Variants in DIS3L2 observed in about 807,000 individuals in gnomAD.
DIS3L2 encodes the protein DIS3 like 3'-5' exoribonuclease 2.
DIS3L2 carries 34 observed loss-of-function variants against 97.5 expected under a neutral mutation model. The observed-to-expected ratio is 0.35, with a 90% CI of 0.27 to 0.46. The LOEUF is 0.46. Among genes scored for constraint, DIS3L2 ranks in the 20% least tolerant of loss-of-function variants. The probability of loss-of-function intolerance (pLI) is 1.00; values close to 1 mark genes in which losing one functional copy is unlikely to be tolerated. For synonymous variants in DIS3L2, 435 were observed against 445.2 expected (o/e 0.98, Z 0.29); for missense variants, 1,038 against 1,146.0 (o/e 0.91, Z 1.36).
chr2:232,170,900 A>G (rs1003799605), intron 9 of DIS3L2, among the ~76,000 whole-genome samples: 3 of 152,178 alleles, frequency 2.0e-5, no homozygotes, highest in Admixed American at 2.0e-4. Flanking sequence ...GAGTCATATA[A>G]TACTAACCTC....
intron 3 of DIS3L2, chr2:232,015,977 G>A (rs1212032616): frequency 4.7e-6 from 1 of 214,056 alleles, no homozygotes; most frequent in Non-Finnish European, 9.4e-6. Flanking sequence ...GTTTGAGCCA[G>A]GCCATGGATT....
chr2:232,062,091 G>T (rs1389009688), intron 5 of DIS3L2, among the ~76,000 whole-genome samples: 1 of 152,068 alleles, frequency 6.6e-6, no homozygotes, highest in East Asian at 1.9e-4. Flanking sequence ...TCAGCTACGG[G>T]GCGGGCTGGG....
intron 8 of DIS3L2, among the ~76,000 whole-genome samples, chr2:232,157,893 G>A (rs983836392): frequency 9.9e-5 from 15 of 152,182 alleles, no homozygotes; most frequent in Non-Finnish European, 1.6e-4. Context: ...ACGGGCGCAG[G>A]CCATCCTGCC....
chr2:232,329,763 A>C (rs1575023138), intron 14 of DIS3L2, 50 bp from the exon 15 acceptor site: 6 of 1,431,452 alleles, frequency 4.2e-6, no homozygotes, highest in Non-Finnish European at 5.6e-6. Flanking sequence ...AAGCCTGCGC[A>C]CCTGTCCCCA....
chr2:232,289,752 G>A (rs1222852418), intron 13 of DIS3L2, among the ~76,000 whole-genome samples: 3 of 152,186 alleles, frequency 2.0e-5, no homozygotes, highest in Admixed American at 2.0e-4. Context: ...CTGAGTGGGT[G>A]GAGAGCCTGT....
At chr2:232,239,455 C>T (rs1463984447) in intron 11 of DIS3L2, among the ~76,000 whole-genome samples, 1 of 152,222 alleles carries the variant, frequency 6.6e-6, no homozygotes, top group East Asian at 1.9e-4. Context: ...TGCCAGGTTT[C>T]TTTCTCTTCT....
rs116128621 is a variant in DIS3L2, at chr2:232,297,980, A to G, written c.1660-2060A>G. Among the ~76,000 whole-genome samples, 977 of 152,330 alleles carry G rather than the reference A, an allele frequency of 6.4e-3. 15 individuals carry two copies. The highest frequency in any genetic ancestry group is 0.022 in the African/African-American group (929 of 41,572). On this transcript the variant is annotated intron_variant, in intron 13 of 20. Coordinates refer to ENST00000325385, the MANE Select transcript of DIS3L2 (RefSeq NM_152383.5). ...CCAAAGTGCTAGGATTATAGGCATGAGCCACCACATCTGGCCTCAGTCTTT... is the reference window on the plus strand; with the variant it reads ...CCAAAGTGCTAGGATTATAGGCATGGGCCACCACATCTGGCCTCAGTCTTT...
intron 10 of DIS3L2, among the ~76,000 whole-genome samples, chr2:232,214,184 C>G (rs1007488719): frequency 2.6e-5 from 4 of 152,190 alleles, no homozygotes; most frequent in African/African-American, 7.2e-5. Flanking sequence ...AGATCACTTG[C>G]AGCATACCTC....
intron 5 of DIS3L2, among the ~76,000 whole-genome samples, chr2:232,044,563 G>A (rs750755802): frequency 3.1e-4 from 47 of 152,276 alleles, no homozygotes; most frequent in African/African-American, 1.1e-3. Context: ...AGTTTGAGAT[G>A]CCTAGGGACA....
chr2:232,284,879 CA>C (rs1694385891), intron 13 of DIS3L2, among the ~76,000 whole-genome samples: 1 of 152,172 alleles, frequency 6.6e-6, no homozygotes, highest in African/African-American at 2.4e-5. Context: ...TGGGACCTGG[CA>C]TGGAGCTGCA....
chr2:232,140,661 G>A (rs898731955), intron 8 of DIS3L2, among the ~76,000 whole-genome samples: 1 of 152,198 alleles, frequency 6.6e-6, no homozygotes, highest in Non-Finnish European at 1.5e-5. Context: ...GATGTTAGTA[G>A]CTTTGGAAGG....
intron 9 of DIS3L2, among the ~76,000 whole-genome samples, chr2:232,201,908 A>G (rs1691903854): frequency 6.6e-6 from 1 of 152,218 alleles, no homozygotes; most frequent in African/African-American, 2.4e-5. Context: ...GATGAAGGGT[A>G]TATGGATGTT....
At chr2:232,231,906 GAC>G (rs1234245695) in intron 10 of DIS3L2, among the ~76,000 whole-genome samples, 1 of 152,242 alleles carries the variant, frequency 6.6e-6, no homozygotes, top group Non-Finnish European at 1.5e-5. Flanking sequence ...GCTGTAGGAA[GAC>G]ACAGAAGGGG....
rs142289060 is a variant in DIS3L2, at chr2:232,213,363, G to A, written c.1204+2958G>A. 1.7e-4 allele frequency among the ~76,000 whole-genome samples: 26 copies of A among 152,294 alleles called. No homozygotes were observed. In the East Asian group the frequency reaches 5.0e-3, roughly 29 times the overall value. On this transcript the variant is annotated intron_variant, in intron 10 of 20. Coordinates refer to ENST00000325385, the MANE Select transcript of DIS3L2 (RefSeq NM_152383.5). ...CATTCCTGAGGAGCAGTTTGGCAGA[G>A]CAGCAGGAAAAGGACATGGAAAAGG...
intron 13 of DIS3L2, among the ~76,000 whole-genome samples, chr2:232,270,912 C>G (rs796907566): frequency 1.4e-3 from 165 of 121,236 alleles, no homozygotes; most frequent in African/African-American, 4.7e-3. Context: ...CTCTCTCTCT[C>G]TCTGTCTCGT....
intron 10 of DIS3L2, among the ~76,000 whole-genome samples, chr2:232,229,848 CCTCATTAACCTCTTG>C (rs1692743324): frequency 6.6e-6 from 1 of 152,110 alleles, no homozygotes; most frequent in Non-Finnish European, 1.5e-5. Context: ...AACTAAAGGT[CCTCATTAACCTCTTG>C]CTGGATGGCA....
chr2:232,153,848 C>G (rs562501489), intron 8 of DIS3L2, among the ~76,000 whole-genome samples: 2 of 152,120 alleles, frequency 1.3e-5, no homozygotes, highest in Non-Finnish European at 2.9e-5. Context: ...ACCAATGAGA[C>G]GTAGATTTGG....
Position 232,225,437 on chromosome 2 carries a change from C to G in DIS3L2, c.1205-13096C>G, listed in dbSNP as rs568128678. ...AACACAACATGATGAATATCAAAAACGCTGTGTTGAGCAAAATAAGCCAGA... is the reference window on the plus strand; with the variant it reads ...AACACAACATGATGAATATCAAAAAGGCTGTGTTGAGCAAAATAAGCCAGA... On this transcript the variant is annotated intron_variant, in intron 10 of 20. Coordinates refer to ENST00000325385, the MANE Select transcript of DIS3L2 (RefSeq NM_152383.5). Among the ~76,000 whole-genome samples, 119 of 152,122 alleles carry G rather than the reference C, an allele frequency of 7.8e-4. 1 individual carries two copies. The highest frequency in any genetic ancestry group is 1.5e-3 in the Non-Finnish European group (102 of 67,982).
intron 19 of DIS3L2, 169 bp downstream of exon 19, chr2:232,334,904 G>A (rs1388885912): frequency 1.6e-6 from 1 of 607,902 alleles, no homozygotes; most frequent in African/African-American, 1.9e-5. Flanking sequence ...CTGGGATGGT[G>A]GCTCCAGGCC....
Sources: gnomAD v4.1 joint callset for allele counts (sites outside exome capture counted in the v4.1 genomes callset) on GRCh38, gnomAD v4.1.1 for gene constraint, MANE v1.5 for transcripts, NCBI Gene and HGNC (gene_info 2026-07-23, HGNC 2026-07-21) for gene names.